The following RBMS3 variants were observed in gnomAD, a reference collection of about 807,000 sequenced individuals.
The protein encoded by RBMS3 is RNA-binding motif, single-stranded-interacting protein 3.
RBMS3 carries 27 observed loss-of-function variants against 66.8 expected under a neutral mutation model. That is an observed-to-expected ratio of 0.40 (90% CI 0.30 to 0.56). The LOEUF is 0.56. Among genes scored for constraint, RBMS3 ranks in the 20% least tolerant of loss-of-function variants. The pLI, the probability that RBMS3 is intolerant of heterozygous loss-of-function variation, is 0.40. For synonymous variants in RBMS3, 188 were observed against 183.0 expected (o/e 1.03, Z -0.22); for missense variants, 513 against 549.5 (o/e 0.93, Z 0.66).
intron 3 of RBMS3, among the ~76,000 whole-genome samples, chr3:29,521,177 T>C (rs1376707557): frequency 1.3e-5 from 2 of 152,130 alleles, no homozygotes; most frequent in African/African-American, 2.4e-5. Context: ...GTTTCTATTA[T>C]TTTTCATCTC....
intron 4 of RBMS3, among the ~76,000 whole-genome samples, chr3:29,632,019 G>T (rs1166964919): frequency 6.7e-6 from 1 of 148,444 alleles, no homozygotes; most frequent in East Asian, 2.3e-4. Context: ...ACACTTCCTT[G>T]CAAATGAATG....
At chr3:29,702,725 A>G (rs2052678279) in intron 4 of RBMS3, among the ~76,000 whole-genome samples, 1 of 152,086 alleles carries the variant, frequency 6.6e-6, no homozygotes, top group African/African-American at 2.4e-5. Context: ...CAAGAGCTGT[A>G]ACACTCACCG....
chr3:29,396,513 G>A lies in RBMS3; in HGVS notation c.76-38230G>A, dbSNP rs527314322. Among the ~76,000 whole-genome samples the A allele has an allele frequency of 1.2e-3, 182 of 152,150 alleles. 1 individual carries two copies. The South Asian group carries it at 0.018, about 15-fold the overall frequency. Reference sequence around the variant, plus strand: ...TGATAACTGTACTATAGTCTAATACGTGAATATCCTTATTCCTGGAAAACT... The same window carrying A: ...TGATAACTGTACTATAGTCTAATACATGAATATCCTTATTCCTGGAAAACT... On this transcript the variant is annotated intron_variant, in intron 1 of 14. Coordinates refer to ENST00000383767, the MANE Select transcript of RBMS3 (RefSeq NM_001003793.3).
chr3:29,402,902 C>G (rs945745214), intron 1 of RBMS3, among the ~76,000 whole-genome samples: 3 of 151,688 alleles, frequency 2.0e-5, no homozygotes, highest in African/African-American at 7.3e-5. Flanking sequence ...CTCAGCAGTT[C>G]TAAACAGTAG....
intron 2 of RBMS3, among the ~76,000 whole-genome samples, chr3:29,442,294 A>G (rs1431917832): frequency 6.6e-6 from 1 of 152,102 alleles, no homozygotes; most frequent in African/African-American, 2.4e-5. Context: ...TTTTGGGGGC[A>G]TCCTAGAAAT....
At chr3:29,492,102 C>T (rs1432912418) in intron 3 of RBMS3, among the ~76,000 whole-genome samples, 2 of 152,126 alleles carry the variant, frequency 1.3e-5, no homozygotes, top group African/African-American at 2.4e-5. Context: ...CCTCCCATTG[C>T]CTTGCTTATC....
At chr3:29,703,209 T>C (rs1242731930) in intron 4 of RBMS3, among the ~76,000 whole-genome samples, 1 of 152,240 alleles carries the variant, frequency 6.6e-6, no homozygotes, top group Non-Finnish European at 1.5e-5. Context: ...TAAAAGTTTG[T>C]AGTTTGTTTC....
intron 4 of RBMS3, among the ~76,000 whole-genome samples, chr3:29,651,287 A>G (rs923779891): frequency 5.3e-5 from 8 of 152,342 alleles, no homozygotes; most frequent in African/African-American, 1.9e-4. Context: ...AACAGCATCT[A>G]ATATTGCACT....
At chr3:29,558,216 C>T (rs980927568) in intron 3 of RBMS3, among the ~76,000 whole-genome samples, 30 of 151,740 alleles carry the variant, frequency 2.0e-4, no homozygotes, top group African/African-American at 7.3e-4. Context: ...ATATACAGGA[C>T]AAGTGAAGGA....
intron 3 of RBMS3, among the ~76,000 whole-genome samples, chr3:29,502,275 G>GA (rs2044003944): frequency 6.6e-6 from 1 of 151,972 alleles, no homozygotes; most frequent in South Asian, 2.1e-4. Flanking sequence ...TACTCATGAG[G>GA]AAACAAACCA....
intron 1 of RBMS3, among the ~76,000 whole-genome samples, chr3:29,381,473 G>C (rs1044989253): frequency 2.6e-5 from 4 of 152,126 alleles, no homozygotes; most frequent in Admixed American, 2.6e-4. Context: ...ATAGATCCCT[G>C]TACTGTTATT....
intron 4 of RBMS3, among the ~76,000 whole-genome samples, chr3:29,652,021 T>C (rs1312457114): frequency 6.6e-6 from 1 of 152,084 alleles, no homozygotes; most frequent in African/African-American, 2.4e-5. Context: ...TGTAACTATA[T>C]TCTCCTCCTT....
At chr3:29,842,477 A>G (rs745740054) in intron 6 of RBMS3, among the ~76,000 whole-genome samples, 74 of 152,186 alleles carry the variant, frequency 4.9e-4, no homozygotes, top group Non-Finnish European at 9.3e-4. Flanking sequence ...ATGGCTCAAT[A>G]AACGTTTATT....
At chr3:29,572,174 TAG>T (rs953154486) in intron 3 of RBMS3, among the ~76,000 whole-genome samples, 1 of 152,134 alleles carries the variant, frequency 6.6e-6, no homozygotes, top group Admixed American at 6.5e-5. Context: ...GTATTTTTGG[TAG>T]AGTCTTTTAA....
chr3:29,936,196 G>A lies in RBMS3; in HGVS notation c.1050G>A (p.Thr350=), dbSNP rs140338177. The A allele has an allele frequency of 2.1e-4, 332 of 1,611,618 alleles. No homozygotes were observed. Among genetic ancestry groups the A allele is most frequent in the Non-Finnish European group, 2.6e-4 (302 of 1,178,754 alleles). Residue 350 remains threonine, a splice_region_variant and synonymous_variant, in exon 11 of 15, where the codon ACG becomes ACA. Transcript: ENST00000383767. Reference sequence around the variant, plus strand: ...ACCTTTCGTTGGGCACAACAGGAACGGTGAGTTGAAGAGATTGTTTTGTTT... The same window carrying A: ...ACCTTTCGTTGGGCACAACAGGAACAGTGAGTTGAAGAGATTGTTTTGTTT... The part of the protein sequence containing the change: ...MNHLSLGTTG[T]IQSQDRIMIL...
In RBMS3 at chr3:29,419,332, C is replaced by A. The variant is rs192610687; in HGVS notation, c.76-15411C>A. 3.3e-5 allele frequency among the ~76,000 whole-genome samples: 5 copies of A among 152,224 alleles called. No homozygotes were observed. In the East Asian group the frequency reaches 9.6e-4, roughly 29 times the overall value. On this transcript the variant is annotated intron_variant, in intron 1 of 14. Transcript: ENST00000383767. ...TAATTGTCACTGGATATATTTTAATCTTTAAAATATTTTCTCATAACAGCA... is the reference window on the plus strand; with the variant it reads ...TAATTGTCACTGGATATATTTTAATATTTAAAATATTTTCTCATAACAGCA...
At chr3:29,367,374 G>C (rs1233883372) in intron 1 of RBMS3, among the ~76,000 whole-genome samples, 4 of 152,090 alleles carry the variant, frequency 2.6e-5, no homozygotes, top group Non-Finnish European at 5.9e-5. Context: ...AACATACAAT[G>C]TGAGTGTCTA....
chr3:29,944,100 A>C, intron 11 of RBMS3, 107 bp from the exon 12 acceptor site: 1 of 973,780 alleles, frequency 1.0e-6, no homozygotes, highest in South Asian at 1.4e-5. Context: ...AGGGTGGGTC[A>C]GGCAACCATA....
intron 8 of RBMS3, among the ~76,000 whole-genome samples, chr3:29,891,059 A>C (rs2059990683): frequency 6.6e-6 from 1 of 151,558 alleles, no homozygotes; most frequent in South Asian, 2.1e-4. Context: ...TGTAACAGTA[A>C]ACTAAGCCAT....
Sources: allele counts gnomAD v4.1 joint callset (sites outside exome capture counted in the v4.1 genomes callset), GRCh38; gene constraint gnomAD v4.1.1; transcripts MANE v1.5; gene names NCBI Gene and HGNC (gene_info 2026-07-23, HGNC 2026-07-21).